CNTN1: variants seen among roughly 807,000 people sequenced by gnomAD.
CNTN1 encodes contactin-1.
In CNTN1, 38 loss-of-function variants were observed where a neutral mutation model predicts 126.4. The ratio of observed to expected loss-of-function variants is 0.30; its 90% CI spans 0.23 to 0.39. The LOEUF (loss-of-function observed/expected upper bound fraction) is 0.39, where lower values mean the gene tolerates loss of function less well. Among genes scored for constraint, CNTN1 ranks in the 10% least tolerant of loss-of-function variants. CNTN1 has a pLI of 1.00. For missense variants in CNTN1, 1,009 were observed against 1,248.4 expected (o/e 0.81, Z 2.89); for synonymous variants, 413 against 422.6 (o/e 0.98, Z 0.28).
In CNTN1 at chr12:40,908,504, T is replaced by A. The variant is rs1338738809; in HGVS notation, c.61+11T>A. On this transcript the variant is annotated intron_variant, in intron 2 of 23. Transcript: ENST00000551295. ...CTACCTGTTTAGCAGGTAAGAAATA[T>A]CCTTTGTATATTCTACATATATTAT... The A allele has an allele frequency of 6.4e-7, 1 of 1,552,040 alleles. No individual in the cohort carries two copies. Among genetic ancestry groups the A allele is most frequent in the South Asian group, 1.1e-5 (1 of 89,548 alleles).
At chr12:40,991,568 G>A (rs1039711226) in intron 16 of CNTN1, among the ~76,000 whole-genome samples, 19 of 152,262 alleles carry the variant, frequency 1.2e-4, no homozygotes, top group African/African-American at 4.6e-4. Flanking sequence ...GGTGGCTCAC[G>A]CCTGTAATCC....
chr12:40,773,633 G>GTGTATATATATATATATATATA (rs1555155525), intron 1 of CNTN1, among the ~76,000 whole-genome samples: 1 of 46,640 alleles, frequency 2.1e-5, no homozygotes, highest in Non-Finnish European at 4.6e-5. Context: ...ACCAGAAACT[G>GTGTATATATATATATATATATA]TATATATATA....
At chr12:40,981,684 C>T (rs1456187373) in intron 16 of CNTN1, among the ~76,000 whole-genome samples, 1 of 151,968 alleles carries the variant, frequency 6.6e-6, no homozygotes, top group East Asian at 1.9e-4. Flanking sequence ...TACAACTTTG[C>T]CATTTGTCAT....
chr12:40,726,489 G>A (rs1942353620), intron 1 of CNTN1, among the ~76,000 whole-genome samples: 1 of 152,074 alleles, frequency 6.6e-6, no homozygotes, highest in Non-Finnish European at 1.5e-5. Context: ...TGCAAGCAGG[G>A]GAAATGCCAG....
chr12:40,710,049 A>G (rs1941873691), intron 1 of CNTN1, among the ~76,000 whole-genome samples: 1 of 152,118 alleles, frequency 6.6e-6, no homozygotes, highest in South Asian at 2.1e-4. Flanking sequence ...ACTAATCTTA[A>G]TAATTTTTAG....
intron 1 of CNTN1, among the ~76,000 whole-genome samples, chr12:40,898,420 T>C (rs1944489268): frequency 6.6e-6 from 1 of 152,184 alleles, no homozygotes; most frequent in South Asian, 2.1e-4. Context: ...TTCTTGGTCT[T>C]CGAACGGGTT....
At chr12:41,065,842 C>G (rs750070988) in intron 23 of CNTN1, among the ~76,000 whole-genome samples, 3 of 152,240 alleles carry the variant, frequency 2.0e-5, no homozygotes, top group Non-Finnish European at 4.4e-5. Context: ...TTATCCATGT[C>G]TGTCATACGA....
intron 1 of CNTN1, among the ~76,000 whole-genome samples, chr12:40,807,004 C>A (rs1940884821): frequency 6.6e-6 from 1 of 151,980 alleles, no homozygotes; most frequent in African/African-American, 2.4e-5. Flanking sequence ...ACTTTTTTGA[C>A]TATCAGTCAT....
chr12:41,029,200 G>A lies in CNTN1; in HGVS notation c.2961G>A (p.Val987=), dbSNP rs1949093613. 2 of 1,613,944 alleles carry A rather than the reference G, an allele frequency of 1.2e-6. No individual in the cohort carries two copies. Among genetic ancestry groups the A allele is most frequent in the Admixed American group, 1.7e-5 (1 of 59,984 alleles). The change falls in exon 23 of 24, where the codon GTG becomes GTA. Residue 987 remains valine, a synonymous_variant. Transcript: ENST00000551295. ...ACAGTGATGGAGGAGATGGAGTGGTGTCTCAAGTCAAAATTTCAGGTAAGT... is the reference window on the plus strand; with the variant it reads ...ACAGTGATGGAGGAGATGGAGTGGTATCTCAAGTCAAAATTTCAGGTAAGT... ...RAHSDGGDGV[V]SQVKISGAPT...
intron 1 of CNTN1, among the ~76,000 whole-genome samples, chr12:40,836,694 A>G (rs1445704410): frequency 1.3e-5 from 2 of 152,328 alleles, no homozygotes; most frequent in South Asian, 2.1e-4. Context: ...AAGTATTTGT[A>G]TAATGGTTAA....
intron 1 of CNTN1, among the ~76,000 whole-genome samples, chr12:40,698,131 C>T (rs1941496832): frequency 6.6e-6 from 1 of 151,728 alleles, no homozygotes; most frequent in Non-Finnish European, 1.5e-5. Context: ...CAGGTTTGCC[C>T]GGTTCTCCAG....
At chr12:40,783,536 C>T (rs1939886400) in intron 1 of CNTN1, among the ~76,000 whole-genome samples, 1 of 152,088 alleles carries the variant, frequency 6.6e-6, no homozygotes, top group Admixed American at 6.6e-5. Context: ...ACATAGAACA[C>T]AACTCTAGTA....
At chr12:40,967,477 C>CA (rs1484959300) in intron 15 of CNTN1, among the ~76,000 whole-genome samples, 16 of 151,838 alleles carry the variant, frequency 1.1e-4, no homozygotes, top group Admixed American at 7.9e-4. Context: ...GAGACTGTCT[C>CA]AAAAAAACAA....
chr12:40,812,902 G>T (rs1408471999), intron 1 of CNTN1, among the ~76,000 whole-genome samples: 2 of 148,334 alleles, frequency 1.3e-5, no homozygotes, highest in African/African-American at 4.9e-5. Context: ...TGCATTCAAG[G>T]TAATTATTTT....
At chr12:41,023,671 A>C (rs1166703226) in intron 20 of CNTN1, among the ~76,000 whole-genome samples, 1 of 152,242 alleles carries the variant, frequency 6.6e-6, no homozygotes, top group Non-Finnish European at 1.5e-5. Context: ...GACTGATTTC[A>C]GTCATCATAA....
chr12:40,944,853 A>G (rs1219641025), intron 14 of CNTN1, among the ~76,000 whole-genome samples: 1 of 152,118 alleles, frequency 6.6e-6, no homozygotes, highest in Non-Finnish European at 1.5e-5. Context: ...CACTGGCCCT[A>G]TCAGCCTCTT....
chr12:40,696,554 A>C (rs1389530935), intron 1 of CNTN1, among the ~76,000 whole-genome samples: 1 of 152,078 alleles, frequency 6.6e-6, no homozygotes, highest in Admixed American at 6.6e-5. Context: ...TTCCTTTGAA[A>C]CTTTCACTGT....
chr12:40,705,921 A>C (rs10748142), intron 1 of CNTN1, among the ~76,000 whole-genome samples: 99,207 of 151,428 alleles, frequency 0.66, 32,841 homozygotes, highest in East Asian at 0.86. Flanking sequence ...AGATCGGTCA[A>C]AAGAACTCAC....
chr12:41,050,496 C>T (rs1041300082), intron 23 of CNTN1, among the ~76,000 whole-genome samples: 1 of 152,018 alleles, frequency 6.6e-6, no homozygotes, highest in African/African-American at 2.4e-5. Context: ...CATGAGAACT[C>T]ACTCACTATC....
Sources: allele counts gnomAD v4.1 joint callset (sites outside exome capture counted in the v4.1 genomes callset), GRCh38; gene constraint gnomAD v4.1.1; transcripts MANE v1.5; gene names NCBI Gene and HGNC (gene_info 2026-07-23, HGNC 2026-07-21).